Variants in NEDD9 observed in about 807,000 individuals in gnomAD.
NEDD9 encodes enhancer of filamentation 1.
In NEDD9, 26 loss-of-function variants were observed where a neutral mutation model predicts 76.6. The ratio of observed to expected loss-of-function variants is 0.34; its 90% CI spans 0.25 to 0.47. NEDD9 has a LOEUF of 0.47. Ranked by LOEUF, NEDD9 falls within the 20% of genes least tolerant of loss-of-function variation. The pLI, the probability that NEDD9 is intolerant of heterozygous loss-of-function variation, is 1.00. For synonymous variants in NEDD9, 392 were observed against 414.2 expected, an observed-to-expected ratio of 0.95 and a Z score of 0.65; for missense variants, 937 against 1,058.5, an observed-to-expected ratio of 0.89 and a Z score of 1.59.
At chr6:11,359,288 C>A (rs1396575522) in intron 1 of NEDD9, among the ~76,000 whole-genome samples, 2 of 152,212 alleles carry the variant, frequency 1.3e-5, no homozygotes, top group Admixed American at 6.5e-5. Context: ...TTCTATAAAG[C>A]CTTCCTGTTT....
chr6:11,380,593 G>A (rs968773871), intron 1 of NEDD9, among the ~76,000 whole-genome samples: 4 of 152,222 alleles, frequency 2.6e-5, no homozygotes, highest in Non-Finnish European at 5.9e-5. Context: ...GCCTGGAGGA[G>A]GGAGGCAGGA....
In NEDD9 at chr6:11,190,762, A is replaced by G; in HGVS notation, c.1107T>C (p.Ser369=). The G allele has an allele frequency of 6.2e-7, 1 of 1,614,184 alleles. No homozygotes were observed. Among genetic ancestry groups the G allele is most frequent in the Non-Finnish European group, 8.5e-7 (1 of 1,180,040 alleles). The change falls in exon 5 of 7, where the codon TCT becomes TCC. Residue 369 remains serine, a synonymous_variant. Coordinates refer to ENST00000379446, the MANE Select transcript of NEDD9 (RefSeq NM_006403.4). The surrounding 1 kb of genome is among the most constrained non-coding windows in gnomAD (Gnocchi z 5.8). ...TCCGGGTGCTGCCTGTACTGGAGAAAGACAATCGGTTGATCCCATCCACCA... is the reference window on the plus strand; with the variant it reads ...TCCGGGTGCTGCCTGTACTGGAGAAGGACAATCGGTTGATCCCATCCACCA... ...RDLVDGINRL[S]FSSTGSTRSN... is the part of the protein sequence containing the mutation.
chr6:11,237,195 T>C (rs1759621475), upstream of NEDD9, among the ~76,000 whole-genome samples: 1 of 152,214 alleles, frequency 6.6e-6, no homozygotes, highest in African/African-American at 2.4e-5. This position sits in a 1 kb window ranked among gnomAD's most constrained non-coding sequence, Gnocchi z 4.9. Flanking sequence ...TATAAGGGCT[T>C]TCCACGTTGT....
At chr6:11,251,518 C>T (rs1451500862) in intron 3 of NEDD9, 1 of 152,158 alleles carries the variant, frequency 6.6e-6, no homozygotes, top group Non-Finnish European at 1.5e-5. Flanking sequence ...GGACTCACAT[C>T]AGGATCTCAG....
chr6:11,284,015 T>C (rs765945633), intron 3 of NEDD9, among the ~76,000 whole-genome samples: 1 of 151,940 alleles, frequency 6.6e-6, no homozygotes, highest in Non-Finnish European at 1.5e-5. Flanking sequence ...GATGCATCCT[T>C]ATGAAAATGT....
intron 3 of NEDD9, among the ~76,000 whole-genome samples, chr6:11,283,656 T>C (rs910197396): frequency 6.6e-6 from 1 of 152,230 alleles, no homozygotes; most frequent in African/African-American, 2.4e-5. Context: ...TAATCTTGAA[T>C]GCCTCTTTCT....
At chr6:11,217,528 G>A (rs992202049) in intron 1 of NEDD9, among the ~76,000 whole-genome samples, 8 of 152,234 alleles carry the variant, frequency 5.3e-5, no homozygotes, top group African/African-American at 1.9e-4. Flanking sequence ...CTGGCAGTTA[G>A]CAGTGCAGCT....
chr6:11,236,081 C>G (rs1759593185), upstream of NEDD9, among the ~76,000 whole-genome samples: 1 of 152,188 alleles, frequency 6.6e-6, no homozygotes, highest in South Asian at 2.1e-4. This position sits in a 1 kb window ranked among gnomAD's most constrained non-coding sequence, Gnocchi z 5.5. Flanking sequence ...CAGGGAAACA[C>G]AAATTGTCTC....
At chr6:11,296,161 C>T (rs189095840) in intron 3 of NEDD9, among the ~76,000 whole-genome samples, 2 of 152,208 alleles carry the variant, frequency 1.3e-5, no homozygotes, top group Admixed American at 1.3e-4. Flanking sequence ...CAGGAGAAAT[C>T]AACCCTGCAG....
intron 1 of NEDD9, 138 bp downstream of exon 1, chr6:11,232,366 A>C: frequency 1.9e-6 from 2 of 1,054,082 alleles, no homozygotes; most frequent in Non-Finnish European, 2.9e-6. Flanking sequence ...CTTGCATGTC[A>C]ACCTCAGTGA....
intron 2 of NEDD9, among the ~76,000 whole-genome samples, chr6:11,209,705 TG>T (rs1758716453): frequency 6.6e-6 from 1 of 152,196 alleles, no homozygotes; most frequent in Non-Finnish European, 1.5e-5. Context: ...GGCGTAGAGA[TG>T]GTCAGTAACT....
chr6:11,364,444 G>A lies in NEDD9; in HGVS notation c.-214+17695C>T, dbSNP rs1569465. ...TCATTGAACCTGGGGGTGGCCTTGG[G>A]AATTCCCCCCAAAGGTGTGTGACAT... is the stretch of plus-strand genomic sequence containing the variant. On this transcript the variant is annotated intron_variant, in intron 1 of 3. Coordinates refer to the NEDD9 transcript ENST00000397378. Among the ~76,000 whole-genome samples the A allele has an allele frequency of 6.5e-3, 992 of 152,222 alleles. 12 individuals carry two copies. The highest frequency in any genetic ancestry group is 9.8e-3 in the Non-Finnish European group (669 of 68,012).
chr6:11,357,384 G>A (rs375490735), intron 1 of NEDD9, among the ~76,000 whole-genome samples: 13 of 152,118 alleles, frequency 8.5e-5, no homozygotes, highest in Admixed American at 1.3e-4. Flanking sequence ...CACATCTTCC[G>A]TAGTCTGAGA....
At chr6:11,251,942 G>T (rs115359312) in intron 3 of NEDD9, among the ~76,000 whole-genome samples, 27 of 151,798 alleles carry the variant, frequency 1.8e-4, no homozygotes, top group Middle Eastern at 3.4e-3. Flanking sequence ...ATGTGTGTGT[G>T]GGGGGGGATG....
chr6:11,352,668 G>C lies in NEDD9; in HGVS notation c.-213-18107C>G, dbSNP rs1401241602. ...CAGGCAAGTGATTGAAACTCTTTGA[G>C]CTTCTGTTTCTTCATCTCTATAAGG... On this transcript the variant is annotated intron_variant, in intron 1 of 3. Coordinates refer to the NEDD9 transcript ENST00000397378. The C allele has an allele frequency of 3.3e-5, 5 of 152,162 alleles. No homozygotes were observed. The South Asian group carries it at 1.0e-3, about 32-fold the overall frequency. The allele number at this position is 152,162 out of a possible 1,614,324, so 9.4% of individuals were successfully genotyped here.
In NEDD9 at chr6:11,225,020, T is replaced by C. The variant is rs376191934; in HGVS notation, c.12+7484A>G. The stretch of plus-strand genomic sequence containing the variant: ...TGCCTTAAGAAGTAGACAGGAGATC[T>C]GGTTCAAATCTGAACTTTACACGTG... On this transcript the variant is annotated intron_variant, in intron 1 of 6. Coordinates refer to ENST00000379446, the MANE Select transcript of NEDD9 (RefSeq NM_006403.4). Among the ~76,000 whole-genome samples the C allele has an allele frequency of 3.3e-4, 50 of 152,366 alleles. 2 individuals are homozygous for C. The highest frequency in any genetic ancestry group is 1.2e-3 in the African/African-American group (50 of 41,586).
At chr6:11,192,959 A>G (rs1255733326) in intron 3 of NEDD9, among the ~76,000 whole-genome samples, 1 of 149,510 alleles carries the variant, frequency 6.7e-6, no homozygotes, top group African/African-American at 2.5e-5. Flanking sequence ...AAAAAAAAAA[A>G]GATCTTATGT....
At chr6:11,358,300 C>T (rs1762618441) in intron 1 of NEDD9, among the ~76,000 whole-genome samples, 1 of 146,828 alleles carries the variant, frequency 6.8e-6, no homozygotes, top group South Asian at 2.2e-4. Flanking sequence ...TACATAACGT[C>T]AGCAGCACTG....
At chr6:11,242,858 A>G (rs1368146580) in intron 3 of NEDD9, among the ~76,000 whole-genome samples, 1 of 152,210 alleles carries the variant, frequency 6.6e-6, no homozygotes, top group Non-Finnish European at 1.5e-5. Flanking sequence ...AGCATATACC[A>G]CATATTACAA....
Sources: gnomAD v4.1 joint callset for allele counts (sites outside exome capture counted in the v4.1 genomes callset) on GRCh38, gnomAD v4.1.1 for gene constraint, Gnocchi (gnomAD v3.1) non-coding constraint, MANE v1.5 for transcripts, NCBI Gene and HGNC (gene_info 2026-07-23, HGNC 2026-07-21) for gene names.